The following AKIP1 variants were observed in gnomAD, a reference collection of about 807,000 sequenced individuals.
The protein encoded by AKIP1 is A-kinase-interacting protein 1.
AKIP1 carries 18 observed loss-of-function variants against 22.3 expected under a neutral mutation model. The ratio of observed to expected loss-of-function variants is 0.81; its 90% CI spans 0.56 to 1.19. The LOEUF (loss-of-function observed/expected upper bound fraction) is 1.19. Among genes scored for constraint, AKIP1 ranks in the 50% most tolerant of loss-of-function variants. The pLI is 0.00. For synonymous variants in AKIP1, 120 were observed against 102.7 expected, an observed-to-expected ratio of 1.17 and a Z score of -1.02; for missense variants, 287 against 264.6, an observed-to-expected ratio of 1.08 and a Z score of -0.59.
In AKIP1 at chr11:8,914,833, A is replaced by G; in HGVS notation, c.311A>G (p.Tyr104Cys). ...DYTSSQCGKY[Y>C]SSVPEEGGAT... ...TTGACATTACGTCTCTAGAAATATT[A>G]TTCATCTGTGCCAGAGGAAGGAGGG... The change falls in exon 4 of 6, where the codon TAT becomes TGT. Residue 104 changes from tyrosine to cysteine, a missense_variant. Transcript: ENST00000309377. 3 of 1,608,814 alleles carry G rather than the reference A, an allele frequency of 1.9e-6. No homozygotes were observed. The highest frequency in any genetic ancestry group is 2.6e-6 in the Non-Finnish European group (3 of 1,175,656).
chr11:8,915,371 T>C (rs78348882), intron 4 of AKIP1, among the ~76,000 whole-genome samples: 25,987 of 135,160 alleles, frequency 0.19, 1,976 homozygotes, highest in East Asian at 0.32. Context: ...TTTTTTTTTT[T>C]TTTTTTTTTT....
At chr11:8,916,265 C>T (rs1020410340) in intron 4 of AKIP1, among the ~76,000 whole-genome samples, 2 of 152,114 alleles carry the variant, frequency 1.3e-5, no homozygotes, top group African/African-American at 4.8e-5. Flanking sequence ...CCCTGTCTTT[C>T]ATAATTTTTA....
Position 8,911,461 on chromosome 11 carries a change from T to A in AKIP1, c.12T>A (p.Cys4Ter), listed in dbSNP as rs2064342533. Residue 4 changes from cysteine to a stop codon, truncating the protein, a stop_gained, in exon 2 of 6, where the codon TGT becomes TGA. Coordinates refer to ENST00000309377, the MANE Select transcript of AKIP1 (RefSeq NM_020642.4). LOFTEE classifies it high-confidence loss of function. The part of the protein sequence containing the change: MDN[C>*]LAAAALNGVD... ...CCACTCAGGGAGCCATGGACAACTG[T>A]TTGGCGGCCGCAGCGCTGAATGGGG... 6 of 1,597,702 alleles carry A rather than the reference T, an allele frequency of 3.8e-6. No homozygotes were observed. The highest frequency in any genetic ancestry group is 5.1e-6 in the Non-Finnish European group (6 of 1,172,396).
intron 1 of AKIP1, 97 bp from the exon 2 acceptor site, chr11:8,911,347 C>G: frequency 8.9e-7 from 1 of 1,123,848 alleles, no homozygotes; most frequent in Non-Finnish European, 1.3e-6. Context: ...GCGGTGGTCT[C>G]CAGGGAGGTC....
chr11:8,918,778 C>G (rs2064527306), intron 5 of AKIP1, among the ~76,000 whole-genome samples: 1 of 152,198 alleles, frequency 6.6e-6, no homozygotes, highest in Admixed American at 6.5e-5. Flanking sequence ...TCTGGGAGAA[C>G]CAGTCCTCCA....
At position 8,919,508 on chromosome 11, in the gene AKIP1, C is replaced by T. The variant is rs921933552; in HGVS notation, c.*28C>T. On this transcript the variant is annotated 3_prime_UTR_variant, in exon 6 of 6. Transcript: ENST00000309377. ...TTGACCATCACTGCCATCACATCACCTTTTTTTAAGTAGTAAGAATAAAGC... is the reference window on the plus strand; with the variant it reads ...TTGACCATCACTGCCATCACATCACTTTTTTTTAAGTAGTAAGAATAAAGC... 5.6e-6 allele frequency: 9 copies of T among 1,607,356 alleles called. No homozygotes were observed. The African/African-American group carries it at 1.2e-4, about 22-fold the overall frequency.
intron 1 of AKIP1, 82 bp from the exon 2 acceptor site, chr11:8,911,362 C>G (rs2064337417): frequency 7.7e-7 from 1 of 1,301,106 alleles, no homozygotes; most frequent in Non-Finnish European, 1.1e-6. Context: ...GAGGTCGAGG[C>G]TGGGGCTCCC....
At chr11:8,918,578 C>T (rs79820253) in intron 5 of AKIP1, among the ~76,000 whole-genome samples, 3,128 of 152,270 alleles carry the variant, frequency 0.021, 45 homozygotes, top group Middle Eastern at 0.034. Context: ...GTCACTCTGG[C>T]CCTTAATTAC....
intron 3 of AKIP1, among the ~76,000 whole-genome samples, chr11:8,913,333 A>G (rs1416541531): frequency 3.3e-5 from 5 of 151,812 alleles, no homozygotes; most frequent in African/African-American, 1.2e-4. Flanking sequence ...GACTACAGGC[A>G]CATGCCACCA....
rs1023172152 is a variant in AKIP1, at chr11:8,919,699, T to G, written c.*219T>G. Reference sequence around the variant, plus strand: ...TTGCCCAGGCTGGAGTGCAGTGGCGTGATCTCGGCTCACTGCAAGTTCCGC... The same window carrying G: ...TTGCCCAGGCTGGAGTGCAGTGGCGGGATCTCGGCTCACTGCAAGTTCCGC... On this transcript the variant is annotated 3_prime_UTR_variant, in exon 6 of 6. Coordinates refer to ENST00000309377, the MANE Select transcript of AKIP1 (RefSeq NM_020642.4). The G allele has an allele frequency of 1.6e-5, 7 of 450,304 alleles. No individual in the cohort carries two copies. The highest frequency in any genetic ancestry group is 2.7e-5 in the Non-Finnish European group (7 of 255,584). 27.9% of individuals were successfully genotyped at this position (450,304 alleles called of 1,614,324 possible).
chr11:8,913,055 A>G (rs1393326786), intron 3 of AKIP1, among the ~76,000 whole-genome samples: 6 of 142,822 alleles, frequency 4.2e-5, no homozygotes, highest in Non-Finnish European at 9.1e-5. Context: ...TTTTTTTTGT[A>G]TTTTTAGTAG....
At chr11:8,912,808 G>A (rs533291247) in intron 3 of AKIP1, among the ~76,000 whole-genome samples, 1 of 151,770 alleles carries the variant, frequency 6.6e-6, no homozygotes, top group South Asian at 2.1e-4. Flanking sequence ...GTCTAGTGGG[G>A]GGAAAATAGC....
Position 8,912,441 on chromosome 11 carries a change from TTATTCAAA to T in AKIP1, c.223-9_223-2del. On this transcript the variant is annotated splice_polypyrimidine_tract_variant and splice_region_variant and intron_variant, in intron 2 of 5. Coordinates refer to ENST00000309377, the MANE Select transcript of AKIP1 (RefSeq NM_020642.4). ...CTAGAGCTAACCTGTGACGTGCCAT[TTATTCAAA>T]TAGAGAGAAGAGAGACCCCCAACCC... The T allele has an allele frequency of 6.2e-7, 1 of 1,609,936 alleles. No individual in the cohort carries two copies.
At position 8,919,601 on chromosome 11, in the gene AKIP1, G is replaced by T. The variant is rs1282601760; in HGVS notation, c.*121G>T. 11 of 1,106,498 alleles carry T rather than the reference G, an allele frequency of 9.9e-6. No individual in the cohort carries two copies. The African/African-American group carries it at 1.6e-4, about 16-fold the overall frequency. 68.5% of individuals were successfully genotyped at this position (1,106,498 alleles called of 1,614,324 possible). A position where few individuals can be genotyped will look rare whatever the true frequency, so the allele number is the denominator to read the frequency against. ...TAGTGCTGACTGGGTCAGCCTTCCGGGAACTGGAGTCTGTCTCTTTCAGTG... is the reference window on the plus strand; with the variant it reads ...TAGTGCTGACTGGGTCAGCCTTCCGTGAACTGGAGTCTGTCTCTTTCAGTG... On this transcript the variant is annotated 3_prime_UTR_variant, in exon 6 of 6. Coordinates refer to ENST00000309377, the MANE Select transcript of AKIP1 (RefSeq NM_020642.4).
At chr11:8,917,506 C>A in intron 5 of AKIP1, 139 bp downstream of exon 5, 1 of 720,396 alleles carries the variant, frequency 1.4e-6, no homozygotes, top group Non-Finnish European at 2.5e-6. Flanking sequence ...AAGAAGGGCA[C>A]ACAAGATTTT....
chr11:8,915,063 G>A (rs1372581692), intron 4 of AKIP1, 133 bp downstream of exon 4: 5 of 621,238 alleles, frequency 8.0e-6, no homozygotes, highest in African/African-American at 3.6e-5. Flanking sequence ...TAACAGAAAT[G>A]TGTAAATTCA....
chr11:8,919,011 G>T (rs1451694295), intron 5 of AKIP1, among the ~76,000 whole-genome samples: 1 of 152,174 alleles, frequency 6.6e-6, no homozygotes, highest in African/African-American at 2.4e-5. Flanking sequence ...CAAAACAGTG[G>T]CCTCTAGCCT....
chr11:8,911,318 C>T lies in AKIP1; in HGVS notation c.-7+95C>T, dbSNP rs1481914705. ...CTGGCTGGGCTCCCGCTGGAGTGTG[C>T]GTTGGGGGCGGACCAGGAGCGGTGG... is the stretch of plus-strand genomic sequence containing the variant. On this transcript the variant is annotated intron_variant, in intron 1 of 5. Transcript: ENST00000309377. The T allele has an allele frequency of 8.6e-6, 7 of 809,996 alleles. 1 individual carries two copies. Among genetic ancestry groups the T allele is most frequent in the Admixed American group, 8.2e-5 (3 of 36,418 alleles). 50.2% of individuals were successfully genotyped at this position (809,996 alleles called of 1,614,324 possible).
intron 4 of AKIP1, among the ~76,000 whole-genome samples, chr11:8,916,761 C>A (rs191290501): frequency 1.3e-5 from 2 of 152,288 alleles, no homozygotes; most frequent in East Asian, 3.9e-4. Context: ...TGAACTCTTA[C>A]CTAAACGCAC....
Sources: allele counts gnomAD v4.1 joint callset (sites outside exome capture counted in the v4.1 genomes callset), GRCh38; gene constraint gnomAD v4.1.1; transcripts MANE v1.5; gene names NCBI Gene and HGNC (gene_info 2026-07-23, HGNC 2026-07-21).